Variants in ABHD12B observed in about 807,000 individuals in gnomAD.
The protein encoded by ABHD12B is abhydrolase domain containing 12B, also known as protein ABHD12B.
Under a neutral mutation model 50.4 loss-of-function variants are expected in ABHD12B, and 42 were observed. The observed-to-expected ratio is 0.83, with a 90% CI of 0.65 to 1.08. The LOEUF is 1.08. Ranked by LOEUF, ABHD12B falls within the 50% of genes least tolerant of loss-of-function variation. The pLI is 0.00. For missense variants in ABHD12B, 479 were observed against 447.7 expected (o/e 1.07, Z -0.63); for synonymous variants, 167 against 160.3 (o/e 1.04, Z -0.32).
intron 3 of ABHD12B, among the ~76,000 whole-genome samples, chr14:50,879,999 T>C (rs1023804170): frequency 1.3e-5 from 2 of 152,248 alleles, no homozygotes; most frequent in Non-Finnish European, 2.9e-5. Context: ...GTTTCTTGGT[T>C]TCTGGAGCAA....
At chr14:50,886,567 T>C in intron 7 of ABHD12B, 80 bp from the exon 8 acceptor site, 1 of 1,379,692 alleles carries the variant, frequency 7.2e-7, no homozygotes, top group South Asian at 1.2e-5. Context: ...AGCCCAGAGC[T>C]TTTATCAGAT....
intron 9 of ABHD12B, among the ~76,000 whole-genome samples, chr14:50,901,578 G>A (rs1366212897): frequency 6.6e-6 from 1 of 152,222 alleles, no homozygotes; most frequent in Non-Finnish European, 1.5e-5. Context: ...TTTTTAGGAA[G>A]TGAAAACAAA....
rs1253809833 is a variant in ABHD12B at position 50,901,767 on chromosome 14, CTA to C, written c.781-57_781-56del. The C allele has an allele frequency of 2.7e-6, 3 of 1,093,292 alleles. No homozygotes were observed. The African/African-American group carries it at 4.8e-5, about 17-fold the overall frequency. The allele number at this position is 1,093,292 out of a possible 1,614,324, so 67.7% of individuals were successfully genotyped here. On this transcript the variant is annotated intron_variant, in intron 9 of 12. Coordinates refer to ENST00000337334, the MANE Select transcript of ABHD12B (RefSeq NM_001206673.2). ...TGTTACCCTGGTTCATAGTGAAAGA[CTA>C]TATAACAGATGGCATAGCTATGGGG... is the stretch of plus-strand genomic sequence containing the variant.
chr14:50,873,306 G>A (rs1311287246), intron 1 of ABHD12B, among the ~76,000 whole-genome samples: 4 of 151,696 alleles, frequency 2.6e-5, no homozygotes, highest in African/African-American at 9.7e-5. Flanking sequence ...CATTCCCAGG[G>A]CTCCAGCGAT....
chr14:50,901,122 G>A (rs2050256047), intron 9 of ABHD12B, among the ~76,000 whole-genome samples: 2 of 152,170 alleles, frequency 1.3e-5, no homozygotes, highest in South Asian at 4.1e-4. Flanking sequence ...TGTGAGAAAG[G>A]TGCAATATTG....
intron 9 of ABHD12B, among the ~76,000 whole-genome samples, chr14:50,889,649 A>T (rs2050090894): frequency 6.6e-6 from 1 of 152,256 alleles, no homozygotes; most frequent in Non-Finnish European, 1.5e-5. Context: ...AGAAAGAAAA[A>T]AAAATCTATT....
At chr14:50,883,227 G>A (rs1006450339) in intron 5 of ABHD12B, among the ~76,000 whole-genome samples, 1 of 152,160 alleles carries the variant, frequency 6.6e-6, no homozygotes, top group Non-Finnish European at 1.5e-5. Context: ...GCTGGTGACC[G>A]GCTGGTGACC....
intron 9 of ABHD12B, among the ~76,000 whole-genome samples, chr14:50,897,539 G>A (rs1189909485): frequency 1.3e-5 from 2 of 152,066 alleles, no homozygotes; most frequent in Non-Finnish European, 2.9e-5. Context: ...TCTATCACTT[G>A]ATCTCAACAG....
intron 9 of ABHD12B, chr14:50,892,914 T>C (rs1219657464): frequency 6.6e-6 from 1 of 152,228 alleles, no homozygotes. Flanking sequence ...GAAGTATGAT[T>C]CATAACTTCT....
chr14:50,891,293 A>G (rs2050113261), intron 9 of ABHD12B: 1 of 151,638 alleles, frequency 6.6e-6, no homozygotes, highest in African/African-American at 2.4e-5. Flanking sequence ...TCCAGGCTGG[A>G]GTGCAGTGGC....
Position 50,885,845 on chromosome 14 carries a change from A to G in ABHD12B, c.612A>G (p.Ala204=), listed in dbSNP as rs1259805420. The G allele has an allele frequency of 6.2e-7, 1 of 1,614,082 alleles. No individual in the cohort carries two copies. Among genetic ancestry groups the G allele is most frequent in the Non-Finnish European group, 8.5e-7 (1 of 1,180,052 alleles). The change falls in exon 7 of 13, where the codon GCA becomes GCG. Residue 204 remains alanine, a synonymous_variant. Coordinates refer to ENST00000337334, the MANE Select transcript of ABHD12B (RefSeq NM_001206673.2). Reference sequence around the variant, plus strand: ...TTTGTGTCTATGAGTGGACCAAGGCAAGAAGTGGCATCACTCCCGTGTGTC... The same window carrying G: ...TTTGTGTCTATGAGTGGACCAAGGCGAGAAGTGGCATCACTCCCGTGTGTC... ...DAICVYEWTK[A]RSGITPVCLW... is the part of the protein sequence containing the mutation.
chr14:50,878,472 C>T (rs1303126799), intron 2 of ABHD12B, among the ~76,000 whole-genome samples: 2 of 152,206 alleles, frequency 1.3e-5, no homozygotes, highest in African/African-American at 4.8e-5. Context: ...TTTTAAAAAG[C>T]TGGAGACAAG....
At chr14:50,898,976 T>C (rs2050230883) in intron 9 of ABHD12B, among the ~76,000 whole-genome samples, 1 of 152,128 alleles carries the variant, frequency 6.6e-6, no homozygotes, top group African/African-American at 2.4e-5. Flanking sequence ...GTGGATCACC[T>C]GAGGTCAGGA....
chr14:50,904,414 C>T lies in ABHD12B; in HGVS notation c.*48C>T. 2 of 1,610,350 alleles carry T rather than the reference C, an allele frequency of 1.2e-6. No individual in the cohort carries two copies. Among genetic ancestry groups the T allele is most frequent in the Non-Finnish European group, 1.7e-6 (2 of 1,177,458 alleles). On this transcript the variant is annotated 3_prime_UTR_variant, in exon 13 of 13. Coordinates refer to ENST00000337334, the MANE Select transcript of ABHD12B (RefSeq NM_001206673.2). ...CAATGAAGACTTGGCCCAAACACCA[C>T]CTGTGATGTATATTGTTCTAATGTA...
intron 8 of ABHD12B, 84 bp from the exon 9 acceptor site, chr14:50,888,740 A>T (rs2050075359): frequency 8.3e-7 from 1 of 1,206,198 alleles, no homozygotes. Flanking sequence ...CTCATGTACA[A>T]GATCTTGAAT....
At chr14:50,902,007 C>T (rs566554629) in intron 10 of ABHD12B, 96 bp downstream of exon 10, 2 of 726,160 alleles carry the variant, frequency 2.8e-6, no homozygotes, top group East Asian at 5.9e-5. Context: ...ATGAGACATC[C>T]TGAATATCAT....
intron 1 of ABHD12B, among the ~76,000 whole-genome samples, chr14:50,876,683 C>G (rs1383101224): frequency 6.6e-6 from 1 of 152,148 alleles, no homozygotes; most frequent in Non-Finnish European, 1.5e-5. Context: ...TGTGGCTCTG[C>G]CATTCATTGA....
chr14:50,897,159 G>C (rs1347063934), intron 9 of ABHD12B, among the ~76,000 whole-genome samples: 5 of 146,298 alleles, frequency 3.4e-5, no homozygotes, highest in African/African-American at 1.0e-4. Context: ...GGCAACCTCT[G>C]CCTCCTGAGT....
chr14:50,872,144 G>A lies in ABHD12B; in HGVS notation c.-31G>A. On this transcript the variant is annotated 5_prime_UTR_variant, in exon 1 of 13. Transcript: ENST00000337334. The stretch of plus-strand genomic sequence containing the variant: ...GCTGCTCCGGACTGCAGCTCCCGCG[G>A]CGGTGGCGGCGTATCGGGACACGGC... 1 of 1,266,408 alleles carries A rather than the reference G, an allele frequency of 7.9e-7. No individual in the cohort carries two copies. The highest frequency in any genetic ancestry group is 2.5e-5 in the South Asian group (1 of 40,422). The allele number at this position is 1,266,408 out of a possible 1,614,324, so 78.4% of individuals were successfully genotyped here.
Sources: gnomAD v4.1 joint callset for allele counts (sites outside exome capture counted in the v4.1 genomes callset) on GRCh38, gnomAD v4.1.1 for gene constraint, MANE v1.5 for transcripts, NCBI Gene and HGNC (gene_info 2026-07-23, HGNC 2026-07-21) for gene names.